The following ARFGEF1 variants were observed in gnomAD, a reference collection of about 807,000 sequenced individuals.
The protein encoded by ARFGEF1 is ARF guanine nucleotide exchange factor 1, also known as brefeldin A-inhibited guanine nucleotide-exchange protein 1.
Under a neutral mutation model 231.0 loss-of-function variants are expected in ARFGEF1, and 42 were observed. The observed-to-expected ratio is 0.18, with a 90% CI of 0.14 to 0.24. ARFGEF1 has a LOEUF of 0.24. ARFGEF1 is among the 10% of genes least tolerant of loss of function. The pLI, the probability that ARFGEF1 is intolerant of heterozygous loss-of-function variation, is 1.00. For missense variants in ARFGEF1, 1,345 were observed against 2,192.0 expected, an observed-to-expected ratio of 0.61 and a Z score of 7.72; for synonymous variants, 710 against 732.3, an observed-to-expected ratio of 0.97 and a Z score of 0.49.
intron 33 of ARFGEF1, among the ~76,000 whole-genome samples, chr8:67,216,250 A>C (rs1838927198): frequency 6.6e-6 from 1 of 152,146 alleles, no homozygotes; most frequent in African/African-American, 2.4e-5. Context: ...CAAGAGGTAG[A>C]GATTTTAGGA....
At chr8:67,269,898 T>A (rs367957718) in intron 10 of ARFGEF1, among the ~76,000 whole-genome samples, 2 of 152,128 alleles carry the variant, frequency 1.3e-5, no homozygotes, top group South Asian at 4.1e-4. Context: ...AAAATAGTAA[T>A]CTCAACTTAA....
intron 1 of ARFGEF1, among the ~76,000 whole-genome samples, chr8:67,337,701 A>G (rs1808412898): frequency 6.6e-6 from 1 of 152,162 alleles, no homozygotes; most frequent in South Asian, 2.1e-4. Flanking sequence ...CACTTATGTC[A>G]CTTCTTTGCT....
chr8:67,198,925 A>C lies in ARFGEF1; in HGVS notation c.*9T>G. The C allele has an allele frequency of 6.2e-7, 1 of 1,611,516 alleles. No homozygotes were observed. The highest frequency in any genetic ancestry group is 8.5e-7 in the Non-Finnish European group (1 of 1,179,184). On this transcript the variant is annotated 3_prime_UTR_variant, in exon 39 of 39. Coordinates refer to ENST00000262215, the MANE Select transcript of ARFGEF1 (RefSeq NM_006421.5). ...GGATGTAAATGCCAACAAAAATATT[A>C]AGTTCCCATCATTGCTTGTTTATTC...
At chr8:67,173,953 T>G (rs1003339562), downstream of ARFGEF1, 1 of 152,226 alleles carries the variant, frequency 6.6e-6, no homozygotes, top group Admixed American at 6.5e-5. Context: ...TCTTTGAAGC[T>G]AGCAAAATGT....
At chr8:67,292,308 C>A (rs1422107763) in intron 5 of ARFGEF1, among the ~76,000 whole-genome samples, 185 bp from the exon 6 acceptor site, 2 of 152,040 alleles carry the variant, frequency 1.3e-5, no homozygotes, top group Non-Finnish European at 2.9e-5. Flanking sequence ...TCTTAGGTGG[C>A]TGGAAATTGG....
intron 5 of ARFGEF1, among the ~76,000 whole-genome samples, chr8:67,189,080 T>TA (rs1835481838): frequency 6.6e-6 from 1 of 152,148 alleles, no homozygotes; most frequent in Non-Finnish European, 1.5e-5. Context: ...TACCACCACA[T>TA]ACCTGCTAGA....
At chr8:67,178,029 A>G (rs554415481) in intron 5 of ARFGEF1, among the ~76,000 whole-genome samples, 1 of 152,364 alleles carries the variant, frequency 6.6e-6, no homozygotes, top group African/African-American at 2.4e-5. Context: ...AAATGAGGAT[A>G]ATAGTACATA....
chr8:67,282,829 T>C (rs1322341840), intron 7 of ARFGEF1, among the ~76,000 whole-genome samples: 1 of 136,888 alleles, frequency 7.3e-6, no homozygotes, highest in Non-Finnish European at 1.5e-5. Flanking sequence ...GCCTCGATGA[T>C]AGAGCAAGAC....
intron 32 of ARFGEF1, among the ~76,000 whole-genome samples, chr8:67,217,181 G>A (rs1010958676): frequency 1.3e-5 from 2 of 151,866 alleles, no homozygotes; most frequent in Middle Eastern, 3.4e-3. Flanking sequence ...GTGCATGCCT[G>A]TAATCCTAGC....
rs1248190729 is a variant in ARFGEF1 at position 67,227,436 on chromosome 8, A to G, written c.3743+11T>C. On this transcript the variant is annotated intron_variant, in intron 26 of 38. Transcript: ENST00000262215. ...TTTTCCTTCTATTAAGCAATTCAAC[A>G]AATATAGTACCTGTTCCGTTTCATT... 2 of 1,609,584 alleles carry G rather than the reference A, an allele frequency of 1.2e-6. No individual in the cohort carries two copies. Among genetic ancestry groups the G allele is most frequent in the African/African-American group, 2.7e-5 (2 of 74,748 alleles).
intron 21 of ARFGEF1, 110 bp from the exon 22 acceptor site, chr8:67,238,603 T>C (rs1410069653): frequency 7.1e-7 from 1 of 1,413,490 alleles, no homozygotes; most frequent in Non-Finnish European, 9.5e-7. Context: ...TAGATTATTT[T>C]AAAAAGCTAA....
At chr8:67,228,663 C>T (rs768058180) in intron 23 of ARFGEF1, among the ~76,000 whole-genome samples, 48 of 151,946 alleles carry the variant, frequency 3.2e-4, no homozygotes, top group Admixed American at 4.6e-4. Flanking sequence ...AAAAATTTGA[C>T]GTATTTTTAC....
In ARFGEF1 at chr8:67,240,309, G is replaced by C; in HGVS notation, c.2851-19C>G. On this transcript the variant is annotated intron_variant, in intron 19 of 38. Transcript: ENST00000262215. ...AAGCCAACTACAAAAATTAAAAATT[G>C]TATTTTAATTAAAGATTATGATAAC... 6.3e-7 allele frequency: 1 copy of C among 1,576,562 alleles called. No homozygotes were observed. The highest frequency in any genetic ancestry group is 1.2e-5 in the South Asian group (1 of 84,100).
At chr8:67,320,705 C>T (rs1355743991) in intron 1 of ARFGEF1, among the ~76,000 whole-genome samples, 1 of 152,178 alleles carries the variant, frequency 6.6e-6, no homozygotes, top group East Asian at 1.9e-4. Flanking sequence ...GCCTATAATC[C>T]CAGCACTTTG....
At chr8:67,316,243 T>C (rs1029748573) in intron 1 of ARFGEF1, among the ~76,000 whole-genome samples, 2 of 152,198 alleles carry the variant, frequency 1.3e-5, no homozygotes, top group African/African-American at 2.4e-5. Context: ...ATCATTTGAA[T>C]AGTCCTATAA....
chr8:67,221,301 G>A (rs1222178201), intron 29 of ARFGEF1, among the ~76,000 whole-genome samples: 1 of 152,198 alleles, frequency 6.6e-6, no homozygotes, highest in Non-Finnish European at 1.5e-5. Flanking sequence ...TATTCAGGAA[G>A]AAGTCATTGT....
chr8:67,202,813 C>A (rs1394292209), intron 36 of ARFGEF1, among the ~76,000 whole-genome samples: 1 of 152,054 alleles, frequency 6.6e-6, no homozygotes, highest in Non-Finnish European at 1.5e-5. Flanking sequence ...TGAGTATCAA[C>A]AAGAAGGTCC....
intron 5 of ARFGEF1, among the ~76,000 whole-genome samples, chr8:67,184,055 G>T (rs1358417107): frequency 6.6e-6 from 1 of 152,014 alleles, no homozygotes. Context: ...GTTTCACCGT[G>T]TTGGCCAGGC....
chr8:67,302,608 T>A (rs1806542601), intron 1 of ARFGEF1, 142 bp from the exon 2 acceptor site: 4 of 506,218 alleles, frequency 7.9e-6, no homozygotes, highest in African/African-American at 5.9e-5. Flanking sequence ...GATGCTAAAA[T>A]TGTTTCATCT....
Sources: gnomAD v4.1 joint callset for allele counts (sites outside exome capture counted in the v4.1 genomes callset) on GRCh38, gnomAD v4.1.1 for gene constraint, MANE v1.5 for transcripts, NCBI Gene and HGNC (gene_info 2026-07-23, HGNC 2026-07-21) for gene names.